Variants in MAML3 observed in about 807,000 individuals in gnomAD.
MAML3 encodes mastermind like transcriptional coactivator 3.
In MAML3, 27 loss-of-function variants were observed where a neutral mutation model predicts 101.9. That is an observed-to-expected ratio of 0.27 (90% confidence interval 0.20 to 0.37). MAML3 has a LOEUF of 0.37. MAML3 is among the 10% of genes least tolerant of loss of function. The pLI is 1.00. For synonymous variants in MAML3, 501 were observed against 555.9 expected (o/e 0.90, Z 1.39); for missense variants, 1,316 against 1,444.9 (o/e 0.91, Z 1.45).
At chr4:140,097,532 G>A (rs1728183407) in intron 1 of MAML3, among the ~76,000 whole-genome samples, 1 of 151,928 alleles carries the variant, frequency 6.6e-6, no homozygotes, top group Non-Finnish European at 1.5e-5. Context: ...GCTTTGAAAT[G>A]GGATTTAAAA....
intron 2 of MAML3, among the ~76,000 whole-genome samples, chr4:139,883,811 A>C (rs1732268809): frequency 6.6e-6 from 1 of 151,888 alleles, no homozygotes; most frequent in Non-Finnish European, 1.5e-5. Flanking sequence ...GGATAAGGTA[A>C]ATAATATATA....
chr4:140,003,796 G>A (rs1010871520), intron 1 of MAML3, among the ~76,000 whole-genome samples: 2 of 152,172 alleles, frequency 1.3e-5, no homozygotes, highest in African/African-American at 2.4e-5. Flanking sequence ...CTTAAGTTCA[G>A]TTTCCATGTC....
At chr4:139,875,109 C>A (rs1218840127) in intron 2 of MAML3, among the ~76,000 whole-genome samples, 1 of 152,106 alleles carries the variant, frequency 6.6e-6, no homozygotes, top group Non-Finnish European at 1.5e-5. Flanking sequence ...AGCTGATCAT[C>A]CCCATCTTCT....
intron 2 of MAML3, among the ~76,000 whole-genome samples, chr4:139,845,971 G>T (rs1358472827): frequency 6.6e-6 from 1 of 152,080 alleles, no homozygotes; most frequent in Non-Finnish European, 1.5e-5. Flanking sequence ...TTTAGGAGTG[G>T]GAGGAAATCC....
chr4:140,039,881 C>T (rs1727051868), intron 1 of MAML3, among the ~76,000 whole-genome samples: 1 of 152,152 alleles, frequency 6.6e-6, no homozygotes, highest in Non-Finnish European at 1.5e-5. Context: ...ATCCCTACCC[C>T]TCAAGAAAGA....
At chr4:140,089,903 A>G (rs1052343132) in intron 1 of MAML3, among the ~76,000 whole-genome samples, 1 of 152,232 alleles carries the variant, frequency 6.6e-6, no homozygotes, top group African/African-American at 2.4e-5. Context: ...GATTCCAGAC[A>G]TGAGCCACCG....
intron 1 of MAML3, among the ~76,000 whole-genome samples, chr4:140,032,052 A>G (rs952759395): frequency 1.3e-4 from 20 of 152,220 alleles, no homozygotes; most frequent in African/African-American, 3.4e-4. Context: ...CAAAGAAAAT[A>G]TGAAACTTGG....
At chr4:139,792,082 A>C (rs1479951218) in intron 2 of MAML3, among the ~76,000 whole-genome samples, 1 of 152,238 alleles carries the variant, frequency 6.6e-6, no homozygotes, top group East Asian at 1.9e-4. Flanking sequence ...GCATTGAACA[A>C]ATCAATTTAA....
intron 1 of MAML3, among the ~76,000 whole-genome samples, chr4:139,918,619 G>A (rs765483913): frequency 2.6e-5 from 4 of 152,000 alleles, no homozygotes; most frequent in Middle Eastern, 3.4e-3. Flanking sequence ...TTTTTCCTTG[G>A]TATTGTCTTC....
At chr4:139,916,480 A>T (rs1009170944) in intron 1 of MAML3, among the ~76,000 whole-genome samples, 1 of 152,210 alleles carries the variant, frequency 6.6e-6, no homozygotes, top group Non-Finnish European at 1.5e-5. Flanking sequence ...GTAATGGCTA[A>T]TCCTACTGGT....
chr4:140,142,409 T>C (rs1345009352), intron 1 of MAML3, among the ~76,000 whole-genome samples: 1 of 152,208 alleles, frequency 6.6e-6, no homozygotes, highest in Non-Finnish European at 1.5e-5. Context: ...GAGTTCCTCC[T>C]ATGTACATGT....
At chr4:140,020,804 CAAATACAAA>C (rs1392833531) in intron 1 of MAML3, among the ~76,000 whole-genome samples, 1 of 152,164 alleles carries the variant, frequency 6.6e-6, no homozygotes, top group Non-Finnish European at 1.5e-5. Context: ...CAGAACAGAT[CAAATACAAA>C]TTAAAAAATT....
rs536472150 is a variant in MAML3 at position 139,876,137 on chromosome 4, A to C, written c.2079+13220T>G. 3.3e-5 allele frequency among the ~76,000 whole-genome samples: 5 copies of C among 152,334 alleles called. No individual in the cohort carries two copies. The South Asian group carries it at 1.0e-3, about 32-fold the overall frequency. ...TTTCAAACACTTGGTATGAAAAAAAAAGTATGTAAAATATGCCATTAGTAA... is the reference window on the plus strand; with the variant it reads ...TTTCAAACACTTGGTATGAAAAAAACAGTATGTAAAATATGCCATTAGTAA... On this transcript the variant is annotated intron_variant, in intron 2 of 4. Coordinates refer to ENST00000509479, the MANE Select transcript of MAML3 (RefSeq NM_018717.5).
At chr4:139,750,167 T>G (rs574462090) in intron 2 of MAML3, among the ~76,000 whole-genome samples, 6 of 152,272 alleles carry the variant, frequency 3.9e-5, no homozygotes, top group African/African-American at 1.4e-4. Flanking sequence ...ACATGATATT[T>G]CAATGCTAAG....
At chr4:139,921,194 C>A (rs1166911923) in intron 1 of MAML3, among the ~76,000 whole-genome samples, 1 of 152,172 alleles carries the variant, frequency 6.6e-6, no homozygotes, top group Non-Finnish European at 1.5e-5. Flanking sequence ...GCTAGCCTAT[C>A]TACTGCCCCT....
chr4:139,783,141 C>T (rs541505555), intron 2 of MAML3, among the ~76,000 whole-genome samples: 49 of 152,238 alleles, frequency 3.2e-4, no homozygotes, highest in African/African-American at 9.6e-5. Context: ...AAAGAAAACA[C>T]GGTTCTTAAA....
rs187162090 is a variant in MAML3, at chr4:139,885,806, G to A, written c.2079+3551C>T. 1.8e-3 allele frequency among the ~76,000 whole-genome samples: 269 copies of A among 149,710 alleles called. 1 individual carries two copies. Among genetic ancestry groups the A allele is most frequent in the African/African-American group, 6.3e-3 (257 of 40,982 alleles). ...AAATTAGCCAGGCGTGCCGGCAGGC[G>A]CCTGTAGTCCCAGCTACTCGGGAGG... On this transcript the variant is annotated intron_variant, in intron 2 of 4. Transcript: ENST00000509479.
At chr4:139,894,551 G>GA (rs1256914441) in intron 1 of MAML3, among the ~76,000 whole-genome samples, 2 of 146,564 alleles carry the variant, frequency 1.4e-5, no homozygotes, top group Admixed American at 1.3e-4. Context: ...AAGAAAGAAA[G>GA]AAAGAAAGAA....
At chr4:140,041,182 A>G (rs1727079779) in intron 1 of MAML3, among the ~76,000 whole-genome samples, 1 of 152,184 alleles carries the variant, frequency 6.6e-6, no homozygotes, top group Non-Finnish European at 1.5e-5. Flanking sequence ...TTTGAGAGGT[A>G]AATTACACAT....
Sources: allele counts gnomAD v4.1 joint callset (sites outside exome capture counted in the v4.1 genomes callset), GRCh38; gene constraint gnomAD v4.1.1; transcripts MANE v1.5; gene names NCBI Gene and HGNC (gene_info 2026-07-23, HGNC 2026-07-21).